KATNIP: variants seen among roughly 807,000 people sequenced by gnomAD.
The protein encoded by KATNIP is katanin-interacting protein.
In KATNIP, 126 loss-of-function variants were observed where a neutral mutation model predicts 174.0. That is an observed-to-expected ratio of 0.72 (90% CI 0.63 to 0.84). The LOEUF (loss-of-function observed/expected upper bound fraction) is 0.84. Ranked by LOEUF, KATNIP falls within the 40% of genes least tolerant of loss-of-function variation. The probability of loss-of-function intolerance (pLI) is 0.00; values close to 1 mark genes in which losing one functional copy is unlikely to be tolerated. For synonymous variants in KATNIP, 810 were observed against 835.7 expected, an observed-to-expected ratio of 0.97 and a Z score of 0.53; for missense variants, 1,958 against 2,109.7, an observed-to-expected ratio of 0.93 and a Z score of 1.41.
intron 8 of KATNIP, among the ~76,000 whole-genome samples, chr16:27,682,599 G>A (rs1205454035): frequency 1.3e-5 from 2 of 152,166 alleles, no homozygotes; most frequent in Non-Finnish European, 2.9e-5. Flanking sequence ...GGAGCCAGTT[G>A]TAGGTATGAG....
At chr16:27,696,040 A>AT (rs759852601) in intron 8 of KATNIP, among the ~76,000 whole-genome samples, 2 of 152,134 alleles carry the variant, frequency 1.3e-5, no homozygotes, top group African/African-American at 4.8e-5. Context: ...GTGTACCATA[A>AT]TTTATTAGAT....
chr16:27,695,742 A>G (rs1024718699), intron 8 of KATNIP, among the ~76,000 whole-genome samples: 1 of 152,168 alleles, frequency 6.6e-6, no homozygotes. Context: ...AAGCACCCCA[A>G]AGAAATATTT....
chr16:27,721,603 C>G lies in KATNIP; in HGVS notation c.1651C>G (p.Leu551Val), dbSNP rs368985297. The change falls in exon 14 of 28, where the codon CTC becomes GTC. Residue 551 changes from leucine to valine, a missense_variant. This residue lies in a region of KATNIP where 1,557 missense variants were observed against 1,617.8 expected (regional missense o/e 0.96). Coordinates refer to ENST00000261588, the MANE Select transcript of KATNIP (RefSeq NM_015202.5). The stretch of plus-strand genomic sequence containing the variant: ...GTGGACCTGCCCCTTCCACCCACCA[C>G]TCCAGCTGTTTTTTGTTATTCGAAA... ...SPWTCPFHPP[L>V]QLFFVIRNTR... 6.8e-6 allele frequency: 11 copies of G among 1,614,094 alleles called. No homozygotes were observed. The highest frequency in any genetic ancestry group is 9.3e-6 in the Non-Finnish European group (11 of 1,180,024).
intron 6 of KATNIP, among the ~76,000 whole-genome samples, chr16:27,658,267 A>G (rs2077362139): frequency 6.6e-6 from 1 of 152,220 alleles, no homozygotes; most frequent in Non-Finnish European, 1.5e-5. Flanking sequence ...TCAAAGTTGG[A>G]TATGCATAAG....
intron 6 of KATNIP, among the ~76,000 whole-genome samples, chr16:27,655,493 T>C: frequency 6.6e-6 from 1 of 151,738 alleles, no homozygotes; most frequent in Non-Finnish European, 1.5e-5. Flanking sequence ...CAAGTGATCC[T>C]CCTGCCTCAA....
At chr16:27,679,877 C>G (rs1173418361) in intron 7 of KATNIP, among the ~76,000 whole-genome samples, 1 of 152,100 alleles carries the variant, frequency 6.6e-6, no homozygotes, top group Non-Finnish European at 1.5e-5. Context: ...TTGTTCTCAC[C>G]CCAGACACTT....
chr16:27,620,403 A>G (rs1007665963), intron 3 of KATNIP, among the ~76,000 whole-genome samples: 1 of 152,180 alleles, frequency 6.6e-6, no homozygotes, highest in Non-Finnish European at 1.5e-5. Context: ...ACACTACCCA[A>G]TGGGGCAGAG....
intron 18 of KATNIP, among the ~76,000 whole-genome samples, chr16:27,757,742 G>A (rs1217391436): frequency 3.3e-5 from 5 of 152,148 alleles, no homozygotes; most frequent in Admixed American, 3.3e-4. Flanking sequence ...TTTCCTCACC[G>A]TATTCAAAAT....
intron 2 of KATNIP, among the ~76,000 whole-genome samples, chr16:27,604,201 C>A (rs1245641598): frequency 6.6e-6 from 1 of 152,050 alleles, no homozygotes; most frequent in African/African-American, 2.4e-5. Flanking sequence ...TGGGCTCAAG[C>A]GATCCTCTCG....
chr16:27,589,446 G>A (rs1266485479), intron 2 of KATNIP, among the ~76,000 whole-genome samples: 2 of 152,170 alleles, frequency 1.3e-5, no homozygotes, highest in African/African-American at 4.8e-5. Context: ...AACTTTATTT[G>A]CAAAAATAAG....
chr16:27,736,066 G>A (rs1382577497), intron 14 of KATNIP, among the ~76,000 whole-genome samples: 2 of 152,142 alleles, frequency 1.3e-5, no homozygotes, highest in African/African-American at 2.4e-5. Flanking sequence ...ACAATGGCAC[G>A]ATCTCAGCTC....
chr16:27,673,643 C>T (rs888636477), intron 6 of KATNIP, among the ~76,000 whole-genome samples: 7 of 152,098 alleles, frequency 4.6e-5, no homozygotes, highest in African/African-American at 1.7e-4. Context: ...TGTAATAGAT[C>T]CCAATAGGAC....
At chr16:27,696,424 C>T (rs1338896074) in intron 8 of KATNIP, among the ~76,000 whole-genome samples, 1 of 152,108 alleles carries the variant, frequency 6.6e-6, no homozygotes. Context: ...ATTTGGTATA[C>T]AGATAATTTC....
At chr16:27,646,419 A>G (rs1278892324) in intron 5 of KATNIP, among the ~76,000 whole-genome samples, 1 of 152,172 alleles carries the variant, frequency 6.6e-6, no homozygotes, top group Non-Finnish European at 1.5e-5. Flanking sequence ...CTGGCTGGCC[A>G]TAGCATGTTA....
chr16:27,680,287 T>C (rs1232056867), intron 7 of KATNIP, among the ~76,000 whole-genome samples: 1 of 151,924 alleles, frequency 6.6e-6, no homozygotes, highest in Non-Finnish European at 1.5e-5. Context: ...GTGTTAATAA[T>C]GGTCCCACGT....
intron 6 of KATNIP, among the ~76,000 whole-genome samples, chr16:27,655,197 TATATATATATATATATATA>T (rs2077233951): frequency 9.6e-6 from 1 of 104,666 alleles, no homozygotes; most frequent in African/African-American, 5.0e-5. Flanking sequence ...TATATATATA[TATATATATATATATATATA>T]TATATATATA....
In KATNIP at chr16:27,695,659, G is replaced by A. The variant is rs371428671; in HGVS notation, c.941-2669G>A. Reference sequence around the variant, plus strand: ...TGGTATCTCTGGTCACTGCTGTGTCGCCAGTGCCAAGAACAGAGCCTGGCA... The same window carrying A: ...TGGTATCTCTGGTCACTGCTGTGTCACCAGTGCCAAGAACAGAGCCTGGCA... On this transcript the variant is annotated intron_variant, in intron 8 of 27. Transcript: ENST00000261588. 2.5e-4 allele frequency among the ~76,000 whole-genome samples: 38 copies of A among 152,114 alleles called. 1 individual carries two copies. The highest frequency in any genetic ancestry group is 8.5e-4 in the Admixed American group (13 of 15,262).
chr16:27,723,667 C>A (rs2080328144), intron 14 of KATNIP, among the ~76,000 whole-genome samples: 1 of 152,196 alleles, frequency 6.6e-6, no homozygotes, highest in African/African-American at 2.4e-5. Context: ...TCCTAATAAT[C>A]CATAAGCAGT....
chr16:27,590,173 T>C (rs1215955281), intron 2 of KATNIP, among the ~76,000 whole-genome samples: 1 of 152,124 alleles, frequency 6.6e-6, no homozygotes, highest in Non-Finnish European at 1.5e-5. Flanking sequence ...ATTTTAAGTG[T>C]CTCTGCTTGC....
Sources: gnomAD v4.1 joint callset for allele counts (sites outside exome capture counted in the v4.1 genomes callset) on GRCh38, gnomAD v4.1.1 for gene constraint, gnomAD v4.1.1 regional missense constraint, MANE v1.5 for transcripts, NCBI Gene and HGNC (gene_info 2026-07-23, HGNC 2026-07-21) for gene names.